NEMP2: variants seen among roughly 807,000 people sequenced by gnomAD.
NEMP2 encodes nuclear envelope integral membrane protein 2, also known as UPF0571 transmembrane protein.
NEMP2 carries 53 observed loss-of-function variants against 54.2 expected under a neutral mutation model. The ratio of observed to expected loss-of-function variants is 0.98; its 90% confidence interval spans 0.78 to 1.23. The LOEUF (loss-of-function observed/expected upper bound fraction) is 1.23, where lower values mean the gene tolerates loss of function less well. Among genes scored for constraint, NEMP2 ranks in the 50% most tolerant of loss-of-function variants. NEMP2 has a pLI of 0.00. For missense variants in NEMP2, 455 were observed against 511.3 expected (o/e 0.89, Z 1.06); for synonymous variants, 197 against 190.3 (o/e 1.04, Z -0.29).
the NEMP2 span, among the ~76,000 whole-genome samples, chr2:190,541,368 G>C: frequency 6.6e-6 from 1 of 151,920 alleles, no homozygotes; most frequent in Non-Finnish European, 1.5e-5. This position sits in a 1 kb window ranked among gnomAD's most constrained non-coding sequence, Gnocchi z 5.2. Flanking sequence ...GATGTTTATT[G>C]CTATAAACTT....
chr2:190,639,590 AT>A, the NEMP2 span, among the ~76,000 whole-genome samples: 1 of 149,778 alleles, frequency 6.7e-6, no homozygotes, highest in African/African-American at 2.4e-5. Flanking sequence ...GTTAAGTAAC[AT>A]TTATTTTTTT....
chr2:190,562,743 T>C, the NEMP2 span, among the ~76,000 whole-genome samples: 1 of 152,192 alleles, frequency 6.6e-6, no homozygotes, highest in Non-Finnish European at 1.5e-5. The surrounding 1 kb of genome is among the most constrained non-coding windows in gnomAD (Gnocchi z 5.0). Flanking sequence ...CATGTATAGC[T>C]ACAAAAGGAA....
chr2:190,548,192 T>C, the NEMP2 span, among the ~76,000 whole-genome samples: 7 of 152,212 alleles, frequency 4.6e-5, no homozygotes, highest in Admixed American at 4.6e-4. Flanking sequence ...TGTTCATATA[T>C]CTTGGCATTA....
chr2:190,622,125 G>A, the NEMP2 span, among the ~76,000 whole-genome samples: 802 of 151,634 alleles, frequency 5.3e-3, 13 homozygotes, highest in African/African-American at 0.018. Flanking sequence ...CTGAGAAGCT[G>A]GGTGTGGTGG....
rs1223904062 is a variant in NEMP2 at position 190,519,364 on chromosome 2, G to C, written c.214-181C>G. Among the ~76,000 whole-genome samples the C allele has an allele frequency of 1.3e-5, 2 of 152,180 alleles. No individual in the cohort carries two copies. The highest frequency in any genetic ancestry group is 4.8e-5 in the African/African-American group (2 of 41,432). On this transcript the variant is annotated intron_variant, in intron 2 of 8. Transcript: ENST00000409150. The surrounding 1 kb of genome is among the most constrained non-coding windows in gnomAD (Gnocchi z 5.4). The stretch of plus-strand genomic sequence containing the variant: ...AGCCTCCCAAGTAGCTGGGACCACA[G>C]GCACATGCCACCTGCCCAGCTAATT...
the NEMP2 span, among the ~76,000 whole-genome samples, chr2:190,581,715 T>C: frequency 6.6e-6 from 1 of 152,212 alleles, no homozygotes; most frequent in Non-Finnish European, 1.5e-5. Context: ...ATATATATGT[T>C]CTATGAAGTT....
At chr2:190,574,813 TCCCTTC>T in the NEMP2 span, among the ~76,000 whole-genome samples, 1,117 of 62,624 alleles carry the variant, frequency 0.018, 18 homozygotes, top group African/African-American at 0.052. Context: ...CTCCCTTCCC[TCCCTTC>T]CCCCCTTTCT....
chr2:190,544,815 T>TG, the NEMP2 span, among the ~76,000 whole-genome samples: 1 of 151,184 alleles, frequency 6.6e-6, no homozygotes, highest in African/African-American at 2.4e-5. Context: ...TAGCCAGGTG[T>TG]GGTGGTTCAT....
At chr2:190,474,910 A>T in the NEMP2 span, among the ~76,000 whole-genome samples, 2 of 152,286 alleles carry the variant, frequency 1.3e-5, no homozygotes, top group South Asian at 4.1e-4. Context: ...GGCTGGTTCA[A>T]CATATGCAAA....
chr2:190,446,253 A>G, the NEMP2 span, among the ~76,000 whole-genome samples: 11 of 152,164 alleles, frequency 7.2e-5, no homozygotes, highest in Non-Finnish European at 1.6e-4. Flanking sequence ...CAAACTCTGA[A>G]AGAGTTTGAG....
upstream of NEMP2, chr2:190,534,904 C>CG: frequency 2.8e-6 from 1 of 352,896 alleles, no homozygotes. Flanking sequence ...CTGGCATGCT[C>CG]CCGGCCTCGG....
At chr2:190,472,138 G>A in the NEMP2 span, among the ~76,000 whole-genome samples, 3 of 152,082 alleles carry the variant, frequency 2.0e-5, no homozygotes, top group Non-Finnish European at 2.9e-5. Flanking sequence ...CAAAGATGGG[G>A]AAAAAACAGA....
chr2:190,560,975 T>G, the NEMP2 span, among the ~76,000 whole-genome samples: 1 of 152,226 alleles, frequency 6.6e-6, no homozygotes, highest in Non-Finnish European at 1.5e-5. This position sits in a 1 kb window ranked among gnomAD's most constrained non-coding sequence, Gnocchi z 5.4. Context: ...ATTTATGTTT[T>G]GAGAAATACT....
chr2:190,434,906 G>T, the NEMP2 span, among the ~76,000 whole-genome samples: 6 of 152,134 alleles, frequency 3.9e-5, no homozygotes, highest in African/African-American at 1.4e-4. This position sits in a 1 kb window ranked among gnomAD's most constrained non-coding sequence, Gnocchi z 4.3. Flanking sequence ...ATTATCACAT[G>T]AGCTCTTCCT....
rs1690795973 is a variant in NEMP2, at chr2:190,522,781, T to C, written c.213+2482A>G. Among the ~76,000 whole-genome samples, 1 of 152,228 alleles carries C rather than the reference T, an allele frequency of 6.6e-6. No individual in the cohort carries two copies. The highest frequency in any genetic ancestry group is 2.4e-5 in the African/African-American group (1 of 41,458). On this transcript the variant is annotated intron_variant, in intron 2 of 8. Coordinates refer to ENST00000409150, the MANE Select transcript of NEMP2 (RefSeq NM_001142645.2). The surrounding 1 kb of genome is among the most constrained non-coding windows in gnomAD (Gnocchi z 5.0). The stretch of plus-strand genomic sequence containing the variant: ...GCAATTACTTATGATAACCCAGACA[T>C]TCCTTTCTATTGATAATAACTCTTT...
the NEMP2 span, among the ~76,000 whole-genome samples, chr2:190,482,903 T>TTTTTTTTTTTTTTTTTTTTTTG: frequency 5.3e-4 from 46 of 86,248 alleles, 19 homozygotes; most frequent in Non-Finnish European, 6.7e-4. Flanking sequence ...TTTTTTTTTT[T>TTTTTTTTTTTTTTTTTTTTTTG]AGACGGAGTC....
chr2:190,637,164 GAAGTA>G, the NEMP2 span, among the ~76,000 whole-genome samples: 4 of 152,196 alleles, frequency 2.6e-5, no homozygotes, highest in African/African-American at 9.7e-5. This position sits in a 1 kb window ranked among gnomAD's most constrained non-coding sequence, Gnocchi z 4.5. Flanking sequence ...TCACAATTGA[GAAGTA>G]TAGTGTACAG....
chr2:190,491,583 A>G, the NEMP2 span, among the ~76,000 whole-genome samples: 1 of 152,220 alleles, frequency 6.6e-6, no homozygotes, highest in African/African-American at 2.4e-5. This position sits in a 1 kb window ranked among gnomAD's most constrained non-coding sequence, Gnocchi z 4.2. Flanking sequence ...CCTGGCTGTC[A>G]GGAAGCCACA....
chr2:190,452,441 A>T, the NEMP2 span, among the ~76,000 whole-genome samples: 1 of 152,314 alleles, frequency 6.6e-6, no homozygotes, highest in South Asian at 2.1e-4. Context: ...TCTTTTTAAC[A>T]GTCTTGTGAG....
Sources: allele counts gnomAD v4.1 joint callset (sites outside exome capture counted in the v4.1 genomes callset), GRCh38; gene constraint gnomAD v4.1.1; non-coding constraint Gnocchi (gnomAD v3.1); transcripts MANE v1.5; gene names NCBI Gene and HGNC (gene_info 2026-07-23, HGNC 2026-07-21).